Variants in CSRNP3 observed in about 807,000 individuals in gnomAD.
CSRNP3 encodes the protein cysteine and serine rich nuclear protein 3.
A neutral mutation model predicts 48.0 loss-of-function variants in CSRNP3; 12 were observed. The ratio of observed to expected loss-of-function variants is 0.25; its 90% CI spans 0.16 to 0.41. CSRNP3 has a LOEUF of 0.41. Among genes scored for constraint, CSRNP3 ranks in the 10% least tolerant of loss-of-function variants. CSRNP3 has a pLI of 1.00. For missense variants in CSRNP3, 580 were observed against 724.4 expected, an observed-to-expected ratio of 0.80 and a Z score of 2.29; for synonymous variants, 263 against 269.7, an observed-to-expected ratio of 0.98 and a Z score of 0.24.
chr2:165,554,856 A>G (rs1685141744), intron 3 of CSRNP3, among the ~76,000 whole-genome samples: 1 of 152,160 alleles, frequency 6.6e-6, no homozygotes, highest in South Asian at 2.1e-4. Context: ...CAAAATTCTT[A>G]CAATTGCCTG....
chr2:165,497,905 C>T (rs1684304528), intron 2 of CSRNP3, among the ~76,000 whole-genome samples: 1 of 152,050 alleles, frequency 6.6e-6, no homozygotes, highest in Non-Finnish European at 1.5e-5. Flanking sequence ...TATATGCCAG[C>T]ATCTCTTATA....
intron 4 of CSRNP3, among the ~76,000 whole-genome samples, chr2:165,610,259 C>A (rs141965020): frequency 2.0e-5 from 3 of 152,234 alleles, no homozygotes; most frequent in African/African-American, 4.8e-5. Flanking sequence ...GTGTTGAAAA[C>A]AGCATAATCA....
chr2:165,595,288 C>T (rs1685791689), intron 4 of CSRNP3, 75 bp downstream of exon 4: 1 of 1,345,002 alleles, frequency 7.4e-7, no homozygotes, highest in Admixed American at 1.9e-5. Context: ...TTTATTTTTA[C>T]CTTTCATGCT....
chr2:165,500,443 G>GTA (rs34901472), intron 2 of CSRNP3, among the ~76,000 whole-genome samples: 3,097 of 142,672 alleles, frequency 0.022, 43 homozygotes, highest in East Asian at 0.054. Flanking sequence ...ACACACACGT[G>GTA]TATATATATA....
At chr2:165,664,846 C>T (rs1331517298) in intron 5 of CSRNP3, among the ~76,000 whole-genome samples, 1 of 151,818 alleles carries the variant, frequency 6.6e-6, no homozygotes, top group Non-Finnish European at 1.5e-5. Flanking sequence ...AAGCAAAAAA[C>T]AAACAAACAA....
chr2:165,531,928 C>T (rs980998695), intron 3 of CSRNP3, among the ~76,000 whole-genome samples: 1 of 152,282 alleles, frequency 6.6e-6, no homozygotes, highest in African/African-American at 2.4e-5. Context: ...ATACTATAAA[C>T]ACCTCTACAC....
intron 3 of CSRNP3, among the ~76,000 whole-genome samples, chr2:165,540,931 T>G (rs528162715): frequency 1.3e-5 from 2 of 152,200 alleles, no homozygotes; most frequent in African/African-American, 4.8e-5. Flanking sequence ...CAGGAACATT[T>G]TGTATATATT....
At chr2:165,575,120 A>C (rs892016084) in intron 3 of CSRNP3, among the ~76,000 whole-genome samples, 1 of 152,164 alleles carries the variant, frequency 6.6e-6, no homozygotes, top group Admixed American at 6.5e-5. Flanking sequence ...TCTGCATTGT[A>C]AAGGGATCCT....
intron 4 of CSRNP3, among the ~76,000 whole-genome samples, chr2:165,641,510 G>T (rs1686721203): frequency 6.6e-6 from 1 of 152,158 alleles, no homozygotes; most frequent in Non-Finnish European, 1.5e-5. Flanking sequence ...CAAAGGTCAG[G>T]AGTCTGGGAA....
chr2:165,600,862 A>G (rs1191944115), intron 4 of CSRNP3, among the ~76,000 whole-genome samples: 1 of 152,234 alleles, frequency 6.6e-6, no homozygotes, highest in East Asian at 1.9e-4. Flanking sequence ...CATATTGTGT[A>G]ACATAACATT....
At chr2:165,666,823 A>AGG (rs1687223201) in intron 5 of CSRNP3, among the ~76,000 whole-genome samples, 1 of 142,004 alleles carries the variant, frequency 7.0e-6, no homozygotes, top group Non-Finnish European at 1.6e-5. Flanking sequence ...AAAGAGAGAG[A>AGG]AAGGAAGGAC....
intron 3 of CSRNP3, among the ~76,000 whole-genome samples, chr2:165,536,658 A>T (rs1384587984): frequency 6.6e-6 from 1 of 151,912 alleles, no homozygotes; most frequent in Non-Finnish European, 1.5e-5. Context: ...AACTCAATGC[A>T]GTGAATAGAA....
At chr2:165,510,754 C>T (rs757887818) in intron 2 of CSRNP3, among the ~76,000 whole-genome samples, 2 of 152,058 alleles carry the variant, frequency 1.3e-5, no homozygotes, top group Non-Finnish European at 2.9e-5. Flanking sequence ...GTTTGAGAAG[C>T]CTATTGGCCA....
chr2:165,522,689 T>G (rs1209474883), intron 3 of CSRNP3, among the ~76,000 whole-genome samples: 1 of 151,974 alleles, frequency 6.6e-6, no homozygotes, highest in Non-Finnish European at 1.5e-5. Context: ...TCCTTTCACT[T>G]CTTTTGCTTA....
rs1348784273 is a variant in CSRNP3 at position 165,688,789 on chromosome 2, T to C, written c.*9036T>C. On this transcript the variant is annotated 3_prime_UTR_variant, in exon 7 of 7. Coordinates refer to ENST00000651982, the MANE Select transcript of CSRNP3 (RefSeq NM_001172173.2). ...TATTTGTTCTCTTATTTTTTGTTTG[T>C]TTGTTGCTGGCAAAAAAAAAAGTAA... The C allele has an allele frequency of 6.6e-6, 1 of 151,614 alleles. No homozygotes were observed. The highest frequency in any genetic ancestry group is 1.5e-5 in the Non-Finnish European group (1 of 68,002). The allele number at this position is 151,614 out of a possible 1,614,324, so 9.4% of individuals were successfully genotyped here. A position where few individuals can be genotyped will look rare whatever the true frequency, so the allele number is the denominator to read the frequency against.
chr2:165,667,121 G>GAGAA (rs142009364), intron 5 of CSRNP3, among the ~76,000 whole-genome samples: 1 of 113,158 alleles, frequency 8.8e-6, no homozygotes, highest in Non-Finnish European at 2.1e-5. Context: ...GAAGGAAAGA[G>GAGAA]AGAAAGAAAG....
intron 3 of CSRNP3, among the ~76,000 whole-genome samples, chr2:165,589,379 T>C (rs1271699049): frequency 6.6e-6 from 1 of 152,230 alleles, no homozygotes; most frequent in Non-Finnish European, 1.5e-5. Context: ...TTGTGACATT[T>C]TGTTATAGTC....
At chr2:165,595,017 C>G (rs761187530) in intron 3 of CSRNP3, 26 bp from the exon 4 acceptor site, 1 of 1,600,034 alleles carries the variant, frequency 6.2e-7, no homozygotes, top group East Asian at 2.2e-5. Flanking sequence ...TATTTCAATG[C>G]TCTGTTGCTC....
chr2:165,673,448 T>A (rs573194134), intron 5 of CSRNP3, among the ~76,000 whole-genome samples: 33 of 152,234 alleles, frequency 2.2e-4, no homozygotes, highest in African/African-American at 7.9e-4. Flanking sequence ...AGATTCTTAA[T>A]TAAATTTTTA....
Sources: gnomAD v4.1 joint callset for allele counts (sites outside exome capture counted in the v4.1 genomes callset) on GRCh38, gnomAD v4.1.1 for gene constraint, MANE v1.5 for transcripts, NCBI Gene and HGNC (gene_info 2026-07-23, HGNC 2026-07-21) for gene names.